RSPO3: variants seen among roughly 807,000 people sequenced by gnomAD.
RSPO3 encodes the protein R-spondin 3.
In RSPO3, 17 loss-of-function variants were observed where a neutral mutation model predicts 36.5. The ratio of observed to expected loss-of-function variants is 0.47; its 90% CI spans 0.32 to 0.70. RSPO3 has a LOEUF of 0.70. RSPO3 is among the 30% of genes least tolerant of loss of function. The probability of loss-of-function intolerance (pLI) is 0.04; values close to 1 mark genes in which losing one functional copy is unlikely to be tolerated. For synonymous variants in RSPO3, 108 were observed against 107.0 expected (o/e 1.01, Z -0.06); for missense variants, 294 against 322.5 (o/e 0.91, Z 0.68).
intron 1 of RSPO3, among the ~76,000 whole-genome samples, chr6:127,123,407 G>A (rs1234153998): frequency 6.6e-6 from 1 of 152,120 alleles, no homozygotes; most frequent in Non-Finnish European, 1.5e-5. Flanking sequence ...AGAATTTGCT[G>A]AAGAAAGTGT....
chr6:127,187,837 C>T (rs1459876099), intron 4 of RSPO3, among the ~76,000 whole-genome samples: 1 of 152,058 alleles, frequency 6.6e-6, no homozygotes, highest in Non-Finnish European at 1.5e-5. Context: ...TTATAATACC[C>T]TGCTAGCTTT....
Position 127,198,038 on chromosome 6 carries a change from T to G in RSPO3, c.*2031T>G, listed in dbSNP as rs1775551040. Among the ~76,000 whole-genome samples, 1 of 152,230 alleles carries G rather than the reference T, an allele frequency of 6.6e-6. No individual in the cohort carries two copies. Among genetic ancestry groups the G allele is most frequent in the Non-Finnish European group, 1.5e-5 (1 of 68,054 alleles). ...GCCAAATTATTTTTGCACATCTTTC[T>G]GTTTCTCATGTCTTCATTTATTCAA... On this transcript the variant is annotated 3_prime_UTR_variant, in exon 5 of 5. Transcript: ENST00000356698.
In RSPO3 at chr6:127,196,860, G is replaced by C; in HGVS notation, c.*853G>C. 1 of 152,612 alleles carries C rather than the reference G, an allele frequency of 6.6e-6. No homozygotes were observed. The highest frequency in any genetic ancestry group is 1.9e-4 in the East Asian group (1 of 5,186). 9.5% of individuals were successfully genotyped at this position (152,612 alleles called of 1,614,324 possible). ...ATTCTGATTTTATAGAAAAAAAATA[G>C]AGCAAGGAGAATATAACATGTTTGC... On this transcript the variant is annotated 3_prime_UTR_variant, in exon 5 of 5. Transcript: ENST00000356698.
rs538945652 is a variant in RSPO3 at position 127,198,953 on chromosome 6, T to C, written c.*2946T>C. ...CAGATTTAACTCTGCTTCTCTAATG[T>C]TATTGAATTAAAAGCTGTTCACATT... On this transcript the variant is annotated 3_prime_UTR_variant, in exon 5 of 5. Transcript: ENST00000356698. 6.6e-6 allele frequency among the ~76,000 whole-genome samples: 1 copy of C among 152,298 alleles called. No homozygotes were observed. The highest frequency in any genetic ancestry group is 6.5e-5 in the Admixed American group (1 of 15,304).
At chr6:127,184,327 A>G (rs535149048) in intron 4 of RSPO3, among the ~76,000 whole-genome samples, 1 of 152,160 alleles carries the variant, frequency 6.6e-6, no homozygotes, top group African/African-American at 2.4e-5. Flanking sequence ...TCTTCCTAAT[A>G]TTATGAAAAC....
intron 1 of RSPO3, among the ~76,000 whole-genome samples, chr6:127,131,709 G>C (rs753043749): frequency 6.6e-6 from 1 of 152,018 alleles, no homozygotes; most frequent in Non-Finnish European, 1.5e-5. Flanking sequence ...ATTTATCTTG[G>C]CAGATGTCAG....
chr6:127,175,875 C>T (rs1282311220), intron 4 of RSPO3, among the ~76,000 whole-genome samples: 1 of 151,692 alleles, frequency 6.6e-6, no homozygotes. Flanking sequence ...AATGGGGACA[C>T]ATTATATTGA....
chr6:127,143,231 T>A (rs1056037208), intron 1 of RSPO3, among the ~76,000 whole-genome samples: 3 of 152,130 alleles, frequency 2.0e-5, no homozygotes, highest in African/African-American at 7.2e-5. Context: ...TATCTCAAAT[T>A]CCTGAATCTA....
intron 1 of RSPO3, among the ~76,000 whole-genome samples, chr6:127,127,400 T>C (rs1213913579): frequency 3.3e-5 from 5 of 152,180 alleles, no homozygotes; most frequent in African/African-American, 1.2e-4. Flanking sequence ...GTGTAAGTGC[T>C]ACATGGCAAA....
At position 127,144,643 on chromosome 6, in the gene RSPO3, G is replaced by GTTTTTTTTTTTTTT. The variant is rs56388820; in HGVS notation, c.98-3992_98-3991insTTTTTTTTTTTTTT. 1.6e-3 allele frequency among the ~76,000 whole-genome samples: 161 copies of GTTTTTTTTTTTTTT among 99,102 alleles called. 27 individuals are homozygous for GTTTTTTTTTTTTTT. Among genetic ancestry groups the GTTTTTTTTTTTTTT allele is most frequent in the African/African-American group, 2.0e-3 (48 of 24,104 alleles). 65.0% of individuals were successfully genotyped at this position (99,102 alleles called of 152,430 possible). ...TGTAATTTTTCAGTAGCTTCCCCTT[G>GTTTTTTTTTTTTTT]TTTTTTTTTTTTTCAGACAGAGTCT... On this transcript the variant is annotated intron_variant, in intron 1 of 4. Coordinates refer to ENST00000356698, the MANE Select transcript of RSPO3 (RefSeq NM_032784.5).
intron 4 of RSPO3, among the ~76,000 whole-genome samples, chr6:127,180,934 A>C (rs1439894019): frequency 6.6e-6 from 1 of 151,922 alleles, no homozygotes; most frequent in East Asian, 1.9e-4. Flanking sequence ...CAAAGCACAG[A>C]AAGTGCTTTA....
chr6:127,128,879 G>C (rs545320344), intron 1 of RSPO3, among the ~76,000 whole-genome samples: 1 of 152,158 alleles, frequency 6.6e-6, no homozygotes, highest in East Asian at 1.9e-4. Context: ...CAAACCATGG[G>C]GGAGTGTCTT....
chr6:127,142,848 T>G (rs1175231379), intron 1 of RSPO3, among the ~76,000 whole-genome samples: 1 of 151,996 alleles, frequency 6.6e-6, no homozygotes, highest in Non-Finnish European at 1.5e-5. Flanking sequence ...ACAAGGTATC[T>G]CTCTGTCATC....
At chr6:127,148,222 G>A (rs1335092559) in intron 1 of RSPO3, among the ~76,000 whole-genome samples, 1 of 151,938 alleles carries the variant, frequency 6.6e-6, no homozygotes, top group East Asian at 1.9e-4. Flanking sequence ...GAAAAGCAAA[G>A]CAAATGTGTA....
rs1434236145 is a variant in RSPO3 at position 127,119,051 on chromosome 6, G to A, written c.-142G>A. 3 of 574,528 alleles carry A rather than the reference G, an allele frequency of 5.2e-6. No individual in the cohort carries two copies. The South Asian group carries it at 8.4e-5, about 16-fold the overall frequency. 35.6% of individuals were successfully genotyped at this position (574,528 alleles called of 1,614,324 possible). A position where few individuals can be genotyped will look rare whatever the true frequency, so the allele number is the denominator to read the frequency against. Reference sequence around the variant, plus strand: ...CCCACTTCGCTTGCCATCACAGCACGCCTATCGGATGTGAGAGGAGAAGTC... The same window carrying A: ...CCCACTTCGCTTGCCATCACAGCACACCTATCGGATGTGAGAGGAGAAGTC... On this transcript the variant is annotated 5_prime_UTR_variant, in exon 1 of 5. Transcript: ENST00000356698.
intron 4 of RSPO3, among the ~76,000 whole-genome samples, chr6:127,168,638 AT>A (rs1485384625): frequency 6.6e-6 from 1 of 151,978 alleles, no homozygotes; most frequent in Non-Finnish European, 1.5e-5. Context: ...GTTTGTTGCC[AT>A]TGCTTTTGGT....
chr6:127,170,594 T>G (rs572863043), intron 4 of RSPO3, among the ~76,000 whole-genome samples: 38 of 151,922 alleles, frequency 2.5e-4, no homozygotes, highest in Non-Finnish European at 4.6e-4. Context: ...GCAGCATTAT[T>G]TACAATAGCT....
intron 4 of RSPO3, among the ~76,000 whole-genome samples, chr6:127,187,635 T>C (rs936211698): frequency 6.6e-6 from 1 of 152,164 alleles, no homozygotes; most frequent in Non-Finnish European, 1.5e-5. Flanking sequence ...TGTAAGTCAA[T>C]GTATCTGATT....
At chr6:127,165,044 G>A (rs1774793868) in intron 4 of RSPO3, among the ~76,000 whole-genome samples, 1 of 151,994 alleles carries the variant, frequency 6.6e-6, no homozygotes, top group African/African-American at 2.4e-5. Context: ...ATATCTGAAA[G>A]CACAATGCCA....
Sources: allele counts gnomAD v4.1 joint callset (sites outside exome capture counted in the v4.1 genomes callset), GRCh38; gene constraint gnomAD v4.1.1; transcripts MANE v1.5; gene names NCBI Gene and HGNC (gene_info 2026-07-23, HGNC 2026-07-21).